The following MACO1 variants were observed in gnomAD, a reference collection of about 807,000 sequenced individuals.
MACO1 encodes the protein macoilin 1.
In MACO1, 14 loss-of-function variants were observed where a neutral mutation model predicts 78.7. The observed-to-expected ratio is 0.18, with a 90% confidence interval of 0.12 to 0.28. MACO1 has a LOEUF of 0.28. Ranked by LOEUF, MACO1 falls within the 10% of genes least tolerant of loss-of-function variation. MACO1 has a pLI of 1.00. For missense variants in MACO1, 501 were observed against 799.0 expected, an observed-to-expected ratio of 0.63 and a Z score of 4.50; for synonymous variants, 288 against 291.6, an observed-to-expected ratio of 0.99 and a Z score of 0.12.
intron 10 of MACO1, among the ~76,000 whole-genome samples, chr1:25,492,869 T>A (rs181611282): frequency 2.6e-5 from 4 of 152,238 alleles, no homozygotes; most frequent in African/African-American, 9.6e-5. Flanking sequence ...AATGGTTGAC[T>A]TAGTGGAAAG....
intron 9 of MACO1, among the ~76,000 whole-genome samples, chr1:25,491,097 C>T (rs74063421): frequency 0.014 from 2,096 of 152,200 alleles, 40 homozygotes; most frequent in African/African-American, 0.047. Context: ...ATAATTTGCA[C>T]GTGGCCAGCA....
At chr1:25,496,210 C>G (rs1157839994) in intron 10 of MACO1, among the ~76,000 whole-genome samples, 1 of 150,344 alleles carries the variant, frequency 6.7e-6, no homozygotes, top group Non-Finnish European at 1.5e-5. Context: ...TAGAGTGGCA[C>G]AATCTTGCCT....
rs1369517939 is a variant in MACO1, at chr1:25,498,414, G to A, written c.1943G>A (p.Ser648Asn). ...PHYSSKFVET[S>N]PSGLDPNASV... Reference sequence around the variant, plus strand: ...TACTCTTCCAAATTTGTGGAGACCAGCCCCTCTGGACTTGACCCCAATGCC... The same window carrying A: ...TACTCTTCCAAATTTGTGGAGACCAACCCCTCTGGACTTGACCCCAATGCC... Residue 648 changes from serine (S) to asparagine (N), a missense_variant, in exon 11 of 11, where the codon AGC becomes AAC. Ser to Asn is a conservative substitution (Grantham distance 46). Transcript: ENST00000374343. 6.2e-7 allele frequency: 1 copy of A among 1,614,034 alleles called. No individual in the cohort carries two copies. The highest frequency in any genetic ancestry group is 1.1e-5 in the South Asian group (1 of 91,058).
chr1:25,465,308 T>C (rs1421568143), intron 6 of MACO1, among the ~76,000 whole-genome samples: 1 of 152,232 alleles, frequency 6.6e-6, no homozygotes, highest in Admixed American at 6.5e-5. Flanking sequence ...TTCAGCTTCT[T>C]TGGATAAATT....
chr1:25,440,891 C>T (rs764940690), intron 1 of MACO1, among the ~76,000 whole-genome samples: 2 of 152,152 alleles, frequency 1.3e-5, no homozygotes, highest in African/African-American at 2.4e-5. Flanking sequence ...TGAGAACCAC[C>T]GCTGTCGTCA....
Position 25,498,276 on chromosome 1 carries a change from A to G in MACO1, c.1805A>G (p.Gln602Arg), listed in dbSNP as rs1009872484. ...TTTGATCTTACAGGACAAATCCTTCAGAAAGATCAGGAAATCAAGGACCTA... is the reference window on the plus strand; with the variant it reads ...TTTGATCTTACAGGACAAATCCTTCGGAAAGATCAGGAAATCAAGGACCTA... ...QLEIAQGQIL[Q>R]KDQEIKDLKQ... Residue 602 changes from glutamine to arginine, a missense_variant, in exon 11 of 11, where the codon CAG becomes CGG. Around this residue, in one of 5 missense-constraint regions of MACO1, gnomAD observed 66 missense variants for 101.6 expected, o/e 0.65. Coordinates refer to ENST00000374343, the MANE Select transcript of MACO1 (RefSeq NM_018202.6). 3 of 1,614,198 alleles carry G rather than the reference A, an allele frequency of 1.9e-6. No homozygotes were observed. The highest frequency in any genetic ancestry group is 1.7e-5 in the Admixed American group (1 of 60,020).
intron 6 of MACO1, among the ~76,000 whole-genome samples, chr1:25,466,383 G>A (rs1454770834): frequency 6.6e-6 from 1 of 152,086 alleles, no homozygotes; most frequent in Non-Finnish European, 1.5e-5. Flanking sequence ...GTGCCATCTT[G>A]GCTCACTGCA....
chr1:25,462,082 A>G (rs1281266736), intron 6 of MACO1, among the ~76,000 whole-genome samples: 1 of 152,150 alleles, frequency 6.6e-6, no homozygotes, highest in Admixed American at 6.5e-5. Flanking sequence ...CAAACCTGAC[A>G]TGTTTGAGTT....
chr1:25,441,140 A>G (rs756085211), intron 1 of MACO1, among the ~76,000 whole-genome samples: 4 of 152,150 alleles, frequency 2.6e-5, no homozygotes, highest in African/African-American at 9.7e-5. Flanking sequence ...TGCTTTGGTA[A>G]AAGTCCTACT....
chr1:25,456,895 T>C, intron 5 of MACO1, 64 bp downstream of exon 5: 2 of 1,504,802 alleles, frequency 1.3e-6, no homozygotes, highest in South Asian at 2.7e-5. Context: ...CTTGGTAGAA[T>C]TTTCTTTTCT....
chr1:25,440,364 T>G (rs762203178), intron 1 of MACO1, among the ~76,000 whole-genome samples: 2 of 143,638 alleles, frequency 1.4e-5, no homozygotes, highest in Non-Finnish European at 3.0e-5. Context: ...ATTGTACCAC[T>G]GCACTTCAGC....
At chr1:25,437,740 C>T (rs944176659) in intron 1 of MACO1, among the ~76,000 whole-genome samples, 1 of 151,854 alleles carries the variant, frequency 6.6e-6, no homozygotes, top group African/African-American at 2.4e-5. Context: ...GGTAACATAG[C>T]GAGACCTCAT....
intron 6 of MACO1, among the ~76,000 whole-genome samples, chr1:25,463,384 A>G (rs2043188282): frequency 6.6e-6 from 1 of 152,230 alleles, no homozygotes; most frequent in Admixed American, 6.5e-5. Context: ...GTCCTTTCCT[A>G]GAAAGTTTGG....
At chr1:25,466,034 C>G in intron 6 of MACO1, among the ~76,000 whole-genome samples, 1 of 152,200 alleles carries the variant, frequency 6.6e-6, no homozygotes, top group East Asian at 1.9e-4. Context: ...TAGGTTGATT[C>G]CATATCTTTG....
Position 25,471,063 on chromosome 1 carries a change from G to C in MACO1, c.1154+12171G>C, listed in dbSNP as rs190754686. Among the ~76,000 whole-genome samples, 27 of 151,872 alleles carry C rather than the reference G, an allele frequency of 1.8e-4. No individual in the cohort carries two copies. The East Asian group carries it at 5.0e-3, about 28-fold the overall frequency. Reference sequence around the variant, plus strand: ...TAAAAATATATATGGGTAGGGCCGGGTACGGTGGCTCACACCTGTAATCCC... The same window carrying C: ...TAAAAATATATATGGGTAGGGCCGGCTACGGTGGCTCACACCTGTAATCCC... On this transcript the variant is annotated intron_variant, in intron 6 of 10. Transcript: ENST00000374343.
At chr1:25,451,932 C>CA (rs200770971) in intron 3 of MACO1, among the ~76,000 whole-genome samples, 1,148 of 88,838 alleles carry the variant, frequency 0.013, 10 homozygotes, top group Admixed American at 0.018. Context: ...ACTCTGTCTC[C>CA]AAAAAAAAAA....
chr1:25,442,335 G>A (rs2042979950), intron 1 of MACO1, among the ~76,000 whole-genome samples: 1 of 152,224 alleles, frequency 6.6e-6, no homozygotes, highest in African/African-American at 2.4e-5. Flanking sequence ...AATGCAAAAG[G>A]TGACTCACAG....
At chr1:25,473,067 CTG>C (rs1422049131) in intron 6 of MACO1, among the ~76,000 whole-genome samples, 6 of 152,086 alleles carry the variant, frequency 3.9e-5, no homozygotes, top group Non-Finnish European at 5.9e-5. Context: ...TTTTCTGTCT[CTG>C]TGGAAACATG....
Position 25,454,326 on chromosome 1 carries a change from A to G in MACO1, c.417A>G (p.Arg139=). 6.2e-7 allele frequency: 1 copy of G among 1,611,916 alleles called. No homozygotes were observed. Among genetic ancestry groups the G allele is most frequent in the Non-Finnish European group, 8.5e-7 (1 of 1,179,294 alleles). ...TTGTTTATATTGAAGCAGCCATTAG[A>G]TTTAAAGATCTCAAAAACTTTCATG... The part of the protein sequence containing the change: ...ILFVYIEAAI[R]FKDLKNFHVD... Residue 139 remains arginine, a synonymous_variant, in exon 4 of 11, where the codon AGA becomes AGG. Transcript: ENST00000374343.
Sources: gnomAD v4.1 joint callset for allele counts (sites outside exome capture counted in the v4.1 genomes callset) on GRCh38, gnomAD v4.1.1 for gene constraint, gnomAD v4.1.1 regional missense constraint, MANE v1.5 for transcripts, NCBI Gene and HGNC (gene_info 2026-07-23, HGNC 2026-07-21) for gene names.